The following DSCAM variants were observed in gnomAD, a reference collection of about 807,000 sequenced individuals.
The protein encoded by DSCAM is DS cell adhesion molecule, also known as cell adhesion molecule DSCAM.
In DSCAM, 47 loss-of-function variants were observed where a neutral mutation model predicts 217.7. That is an observed-to-expected ratio of 0.22 (90% CI 0.17 to 0.28). DSCAM has a LOEUF of 0.28. DSCAM is among the 10% of genes least tolerant of loss of function. The probability of loss-of-function intolerance (pLI) is 1.00; values close to 1 mark genes in which losing one functional copy is unlikely to be tolerated. For missense variants in DSCAM, 2,080 were observed against 2,618.3 expected (o/e 0.79, Z 4.49); for synonymous variants, 1,056 against 1,015.3 (o/e 1.04, Z -0.76).
intron 1 of DSCAM, among the ~76,000 whole-genome samples, chr21:40,741,974 C>T (rs534784006): frequency 2.3e-4 from 35 of 152,132 alleles, no homozygotes; most frequent in Non-Finnish European, 4.0e-4. Flanking sequence ...TCACACATTT[C>T]TAGAGTTTTT....
chr21:40,302,287 G>A (rs892166952), intron 9 of DSCAM, among the ~76,000 whole-genome samples: 8 of 152,088 alleles, frequency 5.3e-5, no homozygotes, highest in East Asian at 1.9e-4. Context: ...ATTTAACCAC[G>A]GGGGGCGGAT....
At chr21:40,512,506 G>T (rs1455219000) in intron 3 of DSCAM, among the ~76,000 whole-genome samples, 2 of 151,372 alleles carry the variant, frequency 1.3e-5, no homozygotes, top group Non-Finnish European at 3.0e-5. Context: ...GGAGAAGTGG[G>T]AGAGGAGAGA....
intron 18 of DSCAM, among the ~76,000 whole-genome samples, chr21:40,134,946 A>G (rs1266913896): frequency 6.6e-6 from 1 of 152,220 alleles, no homozygotes; most frequent in African/African-American, 2.4e-5. Flanking sequence ...GTGTCAGCTA[A>G]AAATGCTTCA....
At chr21:40,051,606 A>G (rs2088932253) in intron 30 of DSCAM, among the ~76,000 whole-genome samples, 1 of 152,236 alleles carries the variant, frequency 6.6e-6, no homozygotes, top group Non-Finnish European at 1.5e-5. Context: ...TGTTGCAAAG[A>G]TAACGTGCAT....
At chr21:40,298,690 C>G (rs1354337861) in intron 9 of DSCAM, among the ~76,000 whole-genome samples, 2 of 152,056 alleles carry the variant, frequency 1.3e-5, no homozygotes. Context: ...CAAAATTATT[C>G]TCTGCAGGGT....
intron 3 of DSCAM, among the ~76,000 whole-genome samples, chr21:40,458,932 A>G (rs2075784456): frequency 6.6e-6 from 1 of 152,104 alleles, no homozygotes; most frequent in Non-Finnish European, 1.5e-5. Context: ...AACATATACA[A>G]AAGTTATATA....
intron 3 of DSCAM, chr21:40,629,412 C>G (rs1343107562): frequency 6.6e-6 from 1 of 152,178 alleles, no homozygotes; most frequent in Non-Finnish European, 1.5e-5. Context: ...AAACGATACC[C>G]AAACTCCTCA....
intron 1 of DSCAM, among the ~76,000 whole-genome samples, chr21:40,822,217 G>T (rs1006539031): frequency 6.7e-5 from 10 of 150,030 alleles, no homozygotes; most frequent in Non-Finnish European, 1.3e-4. Context: ...TACTCGGGAG[G>T]CTGAGGTGGG....
chr21:40,407,324 G>A (rs182077139), intron 3 of DSCAM, among the ~76,000 whole-genome samples: 4 of 152,206 alleles, frequency 2.6e-5, no homozygotes, highest in African/African-American at 9.6e-5. Context: ...AAAAGAGAAG[G>A]TCTCCAATAA....
At chr21:40,553,681 C>T (rs748305150) in intron 3 of DSCAM, among the ~76,000 whole-genome samples, 1 of 152,328 alleles carries the variant, frequency 6.6e-6, no homozygotes, top group East Asian at 1.9e-4. Flanking sequence ...CAAGATAACA[C>T]ATCCGTTTGC....
At chr21:40,110,934 T>A (rs2146635367) in intron 20 of DSCAM, among the ~76,000 whole-genome samples, 1 of 152,304 alleles carries the variant, frequency 6.6e-6, no homozygotes, top group East Asian at 1.9e-4. Flanking sequence ...CAAATCTACA[T>A]CTGATTGGTG....
intron 11 of DSCAM, among the ~76,000 whole-genome samples, chr21:40,202,795 A>C (rs1170461713): frequency 1.3e-5 from 2 of 152,218 alleles, no homozygotes; most frequent in Admixed American, 6.5e-5. Context: ...GTGCCTCTTC[A>C]TTCAAGCATT....
At chr21:40,598,705 A>G (rs2077040549) in intron 3 of DSCAM, among the ~76,000 whole-genome samples, 1 of 151,790 alleles carries the variant, frequency 6.6e-6, no homozygotes, top group Admixed American at 6.6e-5. Context: ...GGTTGTCATC[A>G]TGTTGGCCAG....
At chr21:40,283,134 C>T (rs150563490) in intron 10 of DSCAM, among the ~76,000 whole-genome samples, 1 of 152,294 alleles carries the variant, frequency 6.6e-6, no homozygotes, top group Admixed American at 6.5e-5. Context: ...AAGTAGACTT[C>T]GCCAGGGTTT....
intron 3 of DSCAM, among the ~76,000 whole-genome samples, chr21:40,535,774 G>A (rs2076491076): frequency 1.3e-5 from 2 of 152,150 alleles, no homozygotes; most frequent in African/African-American, 4.8e-5. Flanking sequence ...GAGAGACGCG[G>A]CACCTCAGAT....
chr21:40,671,722 G>A (rs2090278005), intron 3 of DSCAM, among the ~76,000 whole-genome samples: 1 of 146,644 alleles, frequency 6.8e-6, no homozygotes, highest in African/African-American at 2.6e-5. Flanking sequence ...GGATGACTAT[G>A]GGAAAAATGG....
chr21:40,144,353 T>A lies in DSCAM; in HGVS notation c.3259+138A>T. ...TGGGCGAGGTCACGAGGGAAGGCTTTTCCACCCGAGACCCCAGGCCCTGCA... is the reference window on the plus strand; with the variant it reads ...TGGGCGAGGTCACGAGGGAAGGCTTATCCACCCGAGACCCCAGGCCCTGCA... On this transcript the variant is annotated intron_variant, in intron 17 of 32. Coordinates refer to ENST00000400454, the MANE Select transcript of DSCAM (RefSeq NM_001389.5). The surrounding 1 kb of genome is among the most constrained non-coding windows in gnomAD (Gnocchi z 4.8). 7.1e-7 allele frequency: 1 copy of A among 1,400,480 alleles called. No homozygotes were observed. Among genetic ancestry groups the A allele is most frequent in the Non-Finnish European group, 9.7e-7 (1 of 1,032,026 alleles). 86.8% of individuals were successfully genotyped at this position (1,400,480 alleles called of 1,614,324 possible).
chr21:40,826,259 C>G (rs1601317195), intron 1 of DSCAM, among the ~76,000 whole-genome samples: 1 of 152,082 alleles, frequency 6.6e-6, no homozygotes, highest in Non-Finnish European at 1.5e-5. Context: ...GGGAAAAGGC[C>G]AGGGTAGAGC....
chr21:40,100,843 A>T (rs973106290), intron 20 of DSCAM, among the ~76,000 whole-genome samples: 1 of 151,898 alleles, frequency 6.6e-6, no homozygotes, highest in Non-Finnish European at 1.5e-5. Flanking sequence ...TAGACTTTGA[A>T]CTCTCCAGTC....
Sources: allele counts gnomAD v4.1 joint callset (sites outside exome capture counted in the v4.1 genomes callset), GRCh38; gene constraint gnomAD v4.1.1; non-coding constraint Gnocchi (gnomAD v3.1); transcripts MANE v1.5; gene names NCBI Gene and HGNC (gene_info 2026-07-23, HGNC 2026-07-21).